The following MFNG variants were observed in gnomAD, a reference collection of about 807,000 sequenced individuals.
The protein encoded by MFNG is beta-1,3-N-acetylglucosaminyltransferase manic fringe.
MFNG carries 24 observed loss-of-function variants against 34.2 expected under a neutral mutation model. That is an observed-to-expected ratio of 0.70 (90% CI 0.51 to 0.99). MFNG has a LOEUF of 0.99. Among genes scored for constraint, MFNG ranks in the 50% least tolerant of loss-of-function variants. MFNG has a pLI of 0.00. For missense variants in MFNG, 383 were observed against 424.0 expected, an observed-to-expected ratio of 0.90 and a Z score of 0.85; for synonymous variants, 158 against 179.2, an observed-to-expected ratio of 0.88 and a Z score of 0.94.
chr22:37,474,745 A>T (rs1921965615), intron 5 of MFNG, 68 bp from the exon 6 acceptor site: 1 of 1,496,958 alleles, frequency 6.7e-7, no homozygotes, highest in Non-Finnish European at 9.0e-7. Context: ...GGGCCACCCC[A>T]TGAAGGCCCT....
chr22:37,470,226 C>A lies in MFNG; in HGVS notation c.900-197G>T, dbSNP rs1290035853. On this transcript the variant is annotated intron_variant, in intron 7 of 7. Transcript: ENST00000356998. ...CGAGATATTTAACAGCATTCCTGGG[C>A]TCTACCCACAAGATTCCAGTAGCAT... is the stretch of plus-strand genomic sequence containing the variant. 3.9e-5 allele frequency among the ~76,000 whole-genome samples: 6 copies of A among 152,282 alleles called. No homozygotes were observed. The South Asian group carries it at 1.2e-3, about 32-fold the overall frequency.
At chr22:37,476,466 C>A (rs1922044908) in intron 5 of MFNG, among the ~76,000 whole-genome samples, 1 of 152,132 alleles carries the variant, frequency 6.6e-6, no homozygotes, top group Non-Finnish European at 1.5e-5. Context: ...CCCTTCTTCC[C>A]TCACCCAGAA....
chr22:37,473,956 T>A (rs376906986), intron 6 of MFNG, among the ~76,000 whole-genome samples: 3 of 152,188 alleles, frequency 2.0e-5, no homozygotes, highest in African/African-American at 7.2e-5. Context: ...TGGACCTGTA[T>A]CACCTGCCAG....
At position 37,485,256 on chromosome 22, in the gene MFNG, G is replaced by A. The variant is rs1465193717; in HGVS notation, c.255+667C>T. On this transcript the variant is annotated intron_variant, in intron 1 of 7. Transcript: ENST00000356998. This position sits in a 1 kb window ranked among gnomAD's most constrained non-coding sequence, Gnocchi z 5.3. ...CAACCTCCGGCCCACCACTGCCTCA[G>A]CCGCCACCCTCGTGGCATGCGCTCT... Among the ~76,000 whole-genome samples the A allele has an allele frequency of 6.6e-6, 1 of 152,092 alleles. No individual in the cohort carries two copies. The highest frequency in any genetic ancestry group is 1.5e-5 in the Non-Finnish European group (1 of 68,002).
Position 37,485,626 on chromosome 22 carries a change from TAGA to T in MFNG, c.255+294_255+296del, listed in dbSNP as rs1271550686. ...AAGCCCCCACGGGAGCGGCTAGGAA[TAGA>T]AGAACCCCCAGGAGGGACCCGGGAG... On this transcript the variant is annotated intron_variant, in intron 1 of 7. Transcript: ENST00000356998. The surrounding 1 kb of genome is among the most constrained non-coding windows in gnomAD (Gnocchi z 5.3). 6.6e-6 allele frequency among the ~76,000 whole-genome samples: 1 copy of T among 151,942 alleles called. No homozygotes were observed. The highest frequency in any genetic ancestry group is 1.5e-5 in the Non-Finnish European group (1 of 67,972).
rs1403531503 is a variant in MFNG, at chr22:37,486,138, G to A, written c.40C>T (p.Leu14Phe). The A allele has an allele frequency of 3.1e-6, 5 of 1,599,758 alleles. No individual in the cohort carries two copies. In the African/African-American group the frequency reaches 6.7e-5, roughly 21 times the overall value. ...RLPRGLAGAL[L>F]TLLCMGLLCL... ...AGGAGCCCCATGCACAGGAGGGTGA[G>A]GAGGGCTCCAGCCAGGCCCCGCGGG... The change falls in exon 1 of 8, where the codon CTC (leucine) becomes TTC (phenylalanine). Residue 14 changes from leucine to phenylalanine, a missense_variant. Coordinates refer to ENST00000356998, the MANE Select transcript of MFNG (RefSeq NM_002405.4).
chr22:37,472,476 T>C lies in MFNG; in HGVS notation c.866A>G (p.Gln289Arg), dbSNP rs780641012. 3 of 1,583,750 alleles carry C rather than the reference T, an allele frequency of 1.9e-6. No homozygotes were observed. The East Asian group carries it at 7.2e-5, about 38-fold the overall frequency. ...GTCCTCCTCCGGGGAGAAGGGGCCCTGTAGCTTAATGACGTTGAGTTTCCC... is the reference window on the plus strand; with the variant it reads ...GTCCTCCTCCGGGGAGAAGGGGCCCCGTAGCTTAATGACGTTGAGTTTCCC... The part of the protein sequence containing the change: ...FEGKLNVIKL[Q>R]GPFSPEEDPS... The change falls in exon 7 of 8, where the codon CAG becomes CGG. Residue 289 changes from glutamine (Q) to arginine (R), a missense_variant. Physicochemically the swap from Gln to Arg is conservative, Grantham distance 43. Coordinates refer to ENST00000356998, the MANE Select transcript of MFNG (RefSeq NM_002405.4).
At position 37,478,636 on chromosome 22, in the gene MFNG, A is replaced by G. The variant is rs1490189314; in HGVS notation, c.561+709T>C. Among the ~76,000 whole-genome samples, 2 of 149,830 alleles carry G rather than the reference A, an allele frequency of 1.3e-5. 1 individual carries two copies. The highest frequency in any genetic ancestry group is 3.9e-4 in the East Asian group (2 of 5,156). On this transcript the variant is annotated intron_variant, in intron 4 of 7. Coordinates refer to ENST00000356998, the MANE Select transcript of MFNG (RefSeq NM_002405.4). Reference sequence around the variant, plus strand: ...AAGGTGGGGAAGGGTTCTGGGGCTCAGGTGGCAGCAATCACCCAGCCCCAC... The same window carrying G: ...AAGGTGGGGAAGGGTTCTGGGGCTCGGGTGGCAGCAATCACCCAGCCCCAC...
At position 37,472,513 on chromosome 22, in the gene MFNG, C is replaced by T. The variant is rs368218615; in HGVS notation, c.829G>A (p.Gly277Ser). 133 of 1,580,984 alleles carry T rather than the reference C, an allele frequency of 8.4e-5. No individual in the cohort carries two copies. The highest frequency in any genetic ancestry group is 6.1e-4 in the African/African-American group (44 of 72,410). ...QLPEQVTLSY[G>S]VFEGKLNVIK... ...ACGTTGAGTTTCCCCTCAAAGACACCGTAGCTGAGGGTGACCTGGGCAGGG... is the reference window on the plus strand; with the variant it reads ...ACGTTGAGTTTCCCCTCAAAGACACTGTAGCTGAGGGTGACCTGGGCAGGG... The change falls in exon 7 of 8, where the codon GGT (glycine) becomes AGT (serine). Residue 277 changes from glycine to serine, a missense_variant. Transcript: ENST00000356998.
At chr22:37,480,450 G>A (rs8192546) in intron 2 of MFNG, 151 bp from the exon 3 acceptor site, 4 of 684,890 alleles carry the variant, frequency 5.8e-6, no homozygotes, top group Non-Finnish European at 9.9e-6. Flanking sequence ...CCCGGGGAAG[G>A]CAGACCTGCC....
At chr22:37,484,903 G>A (rs955983088) in intron 1 of MFNG, among the ~76,000 whole-genome samples, 14 of 152,264 alleles carry the variant, frequency 9.2e-5, no homozygotes, top group Non-Finnish European at 1.5e-4. Context: ...GGTCTTCCAG[G>A]AGGTCTCGAC....
rs1921705159 is a variant in MFNG at position 37,469,390 on chromosome 22, G to T, written c.*573C>A. On this transcript the variant is annotated 3_prime_UTR_variant, in exon 8 of 8. Coordinates refer to ENST00000356998, the MANE Select transcript of MFNG (RefSeq NM_002405.4). ...CATCATCTGGGCCCCGGCATGCTGA[G>T]GCTCCAAACAAAATCTGGTCCTGTT... 5.2e-6 allele frequency: 1 copy of T among 192,210 alleles called. No homozygotes were observed. The highest frequency in any genetic ancestry group is 5.4e-5 in the Admixed American group (1 of 18,632). The allele number at this position is 192,210 out of a possible 1,614,324, so 11.9% of individuals were successfully genotyped here. A position where few individuals can be genotyped will look rare whatever the true frequency, so the allele number is the denominator to read the frequency against.
rs758424763 is a variant in MFNG, at chr22:37,486,039, C to CCGGG, written c.135_138dup (p.Gly47ProfsTer5). On this transcript the variant is annotated frameshift_variant, in exon 1 of 8. Transcript: ENST00000356998. LOFTEE classifies it high-confidence loss of function. ...TCGTGTAGCTGTAGCTTAGGGGGCC[C>CCGGG]CGGGTTCGGCTGGCTCAGCTCGGGG... The CCGGG allele has an allele frequency of 1.2e-6, 2 of 1,614,004 alleles. No individual in the cohort carries two copies. The highest frequency in any genetic ancestry group is 3.3e-5 in the Admixed American group (2 of 60,012).
Position 37,480,195 on chromosome 22 carries a change from G to T in MFNG, c.407+2C>A, listed in dbSNP as rs201470071. Reference sequence around the variant, plus strand: ...TATCCCCAGAGACCCAGGAACACTCGCCTAAGCCCACTGGCCAAGAAGGTG... The same window carrying T: ...TATCCCCAGAGACCCAGGAACACTCTCCTAAGCCCACTGGCCAAGAAGGTG... On this transcript the variant is annotated splice_donor_variant, in intron 3 of 7. Transcript: ENST00000356998. LOFTEE classifies it high-confidence loss of function. 1 of 1,603,446 alleles carries T rather than the reference G, an allele frequency of 6.2e-7. No individual in the cohort carries two copies. The highest frequency in any genetic ancestry group is 8.5e-7 in the Non-Finnish European group (1 of 1,171,534).
At chr22:37,478,361 G>T (rs1361217552) in intron 4 of MFNG, among the ~76,000 whole-genome samples, 1 of 152,192 alleles carries the variant, frequency 6.6e-6, no homozygotes, top group African/African-American at 2.4e-5. Flanking sequence ...GGGTCCTGGG[G>T]ACAGGGAGAG....
At position 37,477,960 on chromosome 22, in the gene MFNG, C is replaced by T. The variant is rs770172386; in HGVS notation, c.562-979G>A. On this transcript the variant is annotated intron_variant, in intron 4 of 7. Coordinates refer to ENST00000356998, the MANE Select transcript of MFNG (RefSeq NM_002405.4). ...CAAAGCCAGGAGGTGGCAGGGCTGC[C>T]GTGTAAACCCAGGGAGTCAGGCTCC... 3.3e-5 allele frequency among the ~76,000 whole-genome samples: 5 copies of T among 152,150 alleles called. No homozygotes were observed. In the South Asian group the frequency reaches 6.2e-4, roughly 19 times the overall value.
intron 5 of MFNG, among the ~76,000 whole-genome samples, chr22:37,475,651 G>A (rs1439061980): frequency 1.3e-5 from 2 of 152,152 alleles, no homozygotes. Context: ...AGGGGCAAGT[G>A]GGTGTGGAAA....
At chr22:37,480,668 T>C in intron 2 of MFNG, 53 bp downstream of exon 2, 1 of 1,568,796 alleles carries the variant, frequency 6.4e-7, no homozygotes. Context: ...CCGCCCCAGC[T>C]TTCCCAGGCA....
At position 37,469,992 on chromosome 22, in the gene MFNG, G is replaced by T. The variant is rs1208325068; in HGVS notation, c.937C>A (p.Pro313Thr). ...CGGGCACCCAGCTGGGGACACCAGG[G>T]TGTATCTGGATAGAGCAGACAATGG... is the stretch of plus-strand genomic sequence containing the variant. ...SLHCLLYPDT[P>T]WCPQLGAR The change falls in exon 8 of 8, where the codon CCC (proline) becomes ACC (threonine). Residue 313 changes from proline (P) to threonine (T), a missense_variant. Pro to Thr is a conservative substitution (Grantham distance 38, BLOSUM62 -1). Coordinates refer to ENST00000356998, the MANE Select transcript of MFNG (RefSeq NM_002405.4). The T allele has an allele frequency of 6.2e-7, 1 of 1,609,456 alleles. No homozygotes were observed. Among genetic ancestry groups the T allele is most frequent in the Admixed American group, 1.7e-5 (1 of 59,560 alleles).
Sources: gnomAD v4.1 joint callset for allele counts (sites outside exome capture counted in the v4.1 genomes callset) on GRCh38, gnomAD v4.1.1 for gene constraint, Gnocchi (gnomAD v3.1) non-coding constraint, MANE v1.5 for transcripts, NCBI Gene and HGNC (gene_info 2026-07-23, HGNC 2026-07-21) for gene names.